SRGAP3: variants seen among roughly 807,000 people sequenced by gnomAD.
SRGAP3 encodes the protein SLIT-ROBO Rho GTPase activating protein 3, also known as SLIT-ROBO Rho GTPase-activating protein 3.
In SRGAP3, 39 loss-of-function variants were observed where a neutral mutation model predicts 121.1. That is an observed-to-expected ratio of 0.32 (90% CI 0.25 to 0.42). SRGAP3 has a LOEUF of 0.42. Among genes scored for constraint, SRGAP3 ranks in the 10% least tolerant of loss-of-function variants. The pLI is 1.00. For missense variants in SRGAP3, 1,213 were observed against 1,470.6 expected, an observed-to-expected ratio of 0.82 and a Z score of 2.86; for synonymous variants, 601 against 570.0, an observed-to-expected ratio of 1.05 and a Z score of -0.77.
In SRGAP3 at chr3:9,222,064, C is replaced by A. The variant is rs549019816; in HGVS notation, c.67+26821G>T. 1.6e-3 allele frequency among the ~76,000 whole-genome samples: 237 copies of A among 152,314 alleles called. 2 individuals are homozygous for A. Among genetic ancestry groups the A allele is most frequent in the African/African-American group, 5.5e-3 (228 of 41,574 alleles). ...CCTAGATCTCTTGTCAATCCCATCCCACTGGCCACAGTGACTGGTTCAGGA... is the reference window on the plus strand; with the variant it reads ...CCTAGATCTCTTGTCAATCCCATCCAACTGGCCACAGTGACTGGTTCAGGA... On this transcript the variant is annotated intron_variant, in intron 1 of 21. Coordinates refer to ENST00000383836, the MANE Select transcript of SRGAP3 (RefSeq NM_014850.4).
At chr3:9,081,068 T>C (rs1947222188) in intron 3 of SRGAP3, among the ~76,000 whole-genome samples, 1 of 152,194 alleles carries the variant, frequency 6.6e-6, no homozygotes, top group African/African-American at 2.4e-5. Context: ...TGGGGACCAC[T>C]GCTCCAGAAG....
chr3:9,327,851 TAAATTCAAACAACCA>T (rs1955544853), intron 2 of SRGAP3, among the ~76,000 whole-genome samples: 2 of 152,022 alleles, frequency 1.3e-5, no homozygotes, highest in Non-Finnish European at 2.9e-5. Context: ...TGACTTGCCC[TAAATTCAAACAACCA>T]GTCATTTTAC....
intron 1 of SRGAP3, among the ~76,000 whole-genome samples, chr3:9,177,137 C>T (rs1951207159): frequency 6.6e-6 from 1 of 152,176 alleles, no homozygotes; most frequent in African/African-American, 2.4e-5. Context: ...CAAGGGCACA[C>T]ATTCACTCAC....
At chr3:9,167,445 C>T (rs764026614) in intron 1 of SRGAP3, among the ~76,000 whole-genome samples, 8 of 152,238 alleles carry the variant, frequency 5.3e-5, no homozygotes, top group Non-Finnish European at 1.0e-4. Context: ...TGTTCCCCTG[C>T]AGCAACCCTC....
chr3:9,162,199 G>A (rs543078713), intron 1 of SRGAP3, among the ~76,000 whole-genome samples: 11 of 152,290 alleles, frequency 7.2e-5, no homozygotes, highest in African/African-American at 2.4e-4. Flanking sequence ...AGAAAAAAAA[G>A]TTCTGGAGAT....
At chr3:9,266,246 T>G (rs1954364222) in intron 3 of SRGAP3, among the ~76,000 whole-genome samples, 1 of 151,972 alleles carries the variant, frequency 6.6e-6, no homozygotes, top group Non-Finnish European at 1.5e-5. Context: ...AGGAAAGGGA[T>G]AGCATTAGGA....
chr3:9,182,302 G>A (rs888075545), intron 1 of SRGAP3, among the ~76,000 whole-genome samples: 1 of 151,950 alleles, frequency 6.6e-6, no homozygotes, highest in Non-Finnish European at 1.5e-5. Flanking sequence ...GAGGTCATCA[G>A]GGCATGTCCT....
At chr3:9,225,797 G>C (rs1176947814) in intron 1 of SRGAP3, among the ~76,000 whole-genome samples, 1 of 152,178 alleles carries the variant, frequency 6.6e-6, no homozygotes, top group East Asian at 1.9e-4. Flanking sequence ...GCCAGGTAGG[G>C]AGTTTAGGAC....
intron 3 of SRGAP3, among the ~76,000 whole-genome samples, chr3:9,099,119 A>T (rs1324314022): frequency 6.6e-6 from 1 of 152,222 alleles, no homozygotes; most frequent in African/African-American, 2.4e-5. Flanking sequence ...GTTACAAAGC[A>T]AGGCAATTAT....
intron 3 of SRGAP3, among the ~76,000 whole-genome samples, chr3:9,305,352 G>A (rs1955138836): frequency 6.8e-6 from 1 of 147,830 alleles, no homozygotes; most frequent in Non-Finnish European, 1.5e-5. Context: ...AGCCCTCACA[G>A]GAGGTCCTCT....
intron 1 of SRGAP3, among the ~76,000 whole-genome samples, chr3:9,175,725 T>C (rs896416793): frequency 7.9e-5 from 12 of 152,178 alleles, no homozygotes; most frequent in Admixed American, 7.9e-4. Flanking sequence ...TTCTAGACCA[T>C]CAACGGAAAT....
At chr3:9,293,685 G>T (rs1473503799) in intron 3 of SRGAP3, among the ~76,000 whole-genome samples, 1 of 152,074 alleles carries the variant, frequency 6.6e-6, no homozygotes, top group Non-Finnish European at 1.5e-5. Context: ...GACATGAACA[G>T]ACACTTCTCA....
intron 7 of SRGAP3, among the ~76,000 whole-genome samples, chr3:9,056,833 C>CT (rs1553648455): frequency 6.6e-6 from 1 of 152,168 alleles, no homozygotes; most frequent in Non-Finnish European, 1.5e-5. Flanking sequence ...CAGCAATTGA[C>CT]TGGGCCGAGG....
At chr3:9,024,718 CA>C (rs1435362075) in intron 14 of SRGAP3, among the ~76,000 whole-genome samples, 1 of 152,290 alleles carries the variant, frequency 6.6e-6, no homozygotes, top group Non-Finnish European at 1.5e-5. Context: ...CTCTTCCCCG[CA>C]ATGTGTGGCT....
intron 14 of SRGAP3, among the ~76,000 whole-genome samples, chr3:9,022,503 A>G (rs1436497170): frequency 1.3e-5 from 2 of 152,200 alleles, no homozygotes; most frequent in East Asian, 3.9e-4. Context: ...AAACACAGAG[A>G]TAAGCAGGCT....
intron 1 of SRGAP3, among the ~76,000 whole-genome samples, chr3:9,337,402 C>T (rs1232313106): frequency 2.0e-5 from 3 of 152,126 alleles, no homozygotes; most frequent in African/African-American, 7.2e-5. Context: ...TGCTATGATT[C>T]AAATGTCCCC....
At chr3:9,051,536 A>G (rs982705477) in intron 9 of SRGAP3, among the ~76,000 whole-genome samples, 1 of 152,144 alleles carries the variant, frequency 6.6e-6, no homozygotes, top group Non-Finnish European at 1.5e-5. Context: ...CCTGCCCAAG[A>G]TATCCCCTAC....
At chr3:9,176,010 C>T (rs1249840339) in intron 1 of SRGAP3, among the ~76,000 whole-genome samples, 3 of 152,178 alleles carry the variant, frequency 2.0e-5, no homozygotes, top group Non-Finnish European at 2.9e-5. Context: ...CAAACTCCGC[C>T]TCCTGGGTTC....
chr3:9,341,942 T>G (rs185657412), intron 1 of SRGAP3, among the ~76,000 whole-genome samples: 107 of 152,302 alleles, frequency 7.0e-4, no homozygotes, highest in African/African-American at 2.4e-3. Flanking sequence ...TACAGATCAC[T>G]GACTCATAGA....
Sources: gnomAD v4.1 joint callset for allele counts (sites outside exome capture counted in the v4.1 genomes callset) on GRCh38, gnomAD v4.1.1 for gene constraint, MANE v1.5 for transcripts, NCBI Gene and HGNC (gene_info 2026-07-23, HGNC 2026-07-21) for gene names.